Variants in RPS6KC1 observed in about 807,000 individuals in gnomAD.
The protein encoded by RPS6KC1 is ribosomal protein S6 kinase C1.
In RPS6KC1, 54 loss-of-function variants were observed where a neutral mutation model predicts 103.8. The ratio of observed to expected loss-of-function variants is 0.52; its 90% CI spans 0.42 to 0.65. The LOEUF (loss-of-function observed/expected upper bound fraction) is 0.65, where lower values mean the gene tolerates loss of function less well. Ranked by LOEUF, RPS6KC1 falls within the 30% of genes least tolerant of loss-of-function variation. The pLI is 0.00. For missense variants in RPS6KC1, 1,151 were observed against 1,253.8 expected, an observed-to-expected ratio of 0.92 and a Z score of 1.24; for synonymous variants, 439 against 438.7, an observed-to-expected ratio of 1.00 and a Z score of -0.01.
chr1:213,631,457 C>G, the RPS6KC1 span, among the ~76,000 whole-genome samples: 1 of 151,118 alleles, frequency 6.6e-6, no homozygotes, highest in African/African-American at 2.4e-5. Context: ...ATTTTCTTGG[C>G]TGTTCCTTTA....
chr1:213,628,373 C>G, the RPS6KC1 span, among the ~76,000 whole-genome samples: 3 of 152,132 alleles, frequency 2.0e-5, no homozygotes, highest in Non-Finnish European at 4.4e-5. Context: ...AAAAAACCAG[C>G]TCCTGGATTT....
At chr1:213,433,378 T>G in the RPS6KC1 span, among the ~76,000 whole-genome samples, 1 of 152,336 alleles carries the variant, frequency 6.6e-6, no homozygotes, top group South Asian at 2.1e-4. Context: ...AAGCCCCCTT[T>G]TCAGTGTAAG....
At chr1:213,260,516 G>A (rs1194908618) in intron 12 of RPS6KC1, among the ~76,000 whole-genome samples, 1 of 152,164 alleles carries the variant, frequency 6.6e-6, no homozygotes, top group African/African-American at 2.4e-5. Flanking sequence ...CAAGTACATT[G>A]ACTAAGCATT....
chr1:213,727,689 G>A, the RPS6KC1 span, among the ~76,000 whole-genome samples: 8 of 152,046 alleles, frequency 5.3e-5, no homozygotes, highest in Non-Finnish European at 8.8e-5. Context: ...AGAAATACAT[G>A]TGCATTTTCC....
the RPS6KC1 span, among the ~76,000 whole-genome samples, chr1:213,737,304 GGTT>G: frequency 6.6e-6 from 1 of 152,114 alleles, no homozygotes; most frequent in African/African-American, 2.4e-5. Context: ...GGTTTTGGGG[GGTT>G]GTTGTTTGTT....
chr1:213,851,861 C>T, the RPS6KC1 span, among the ~76,000 whole-genome samples: 1 of 152,156 alleles, frequency 6.6e-6, no homozygotes, highest in African/African-American at 2.4e-5. Flanking sequence ...CCAGTCAATG[C>T]CTCCATTCAG....
chr1:213,446,463 G>T, the RPS6KC1 span, among the ~76,000 whole-genome samples: 2 of 152,188 alleles, frequency 1.3e-5, no homozygotes, highest in Non-Finnish European at 2.9e-5. Context: ...AGTTGATGCT[G>T]CAGTCTTTAA....
chr1:213,418,062 C>T, the RPS6KC1 span, among the ~76,000 whole-genome samples: 3 of 152,306 alleles, frequency 2.0e-5, 1 homozygote, highest in South Asian at 6.2e-4. Context: ...AGCAAACCCC[C>T]AGCTCCCGCT....
chr1:213,459,484 CT>C, the RPS6KC1 span, among the ~76,000 whole-genome samples: 4 of 151,640 alleles, frequency 2.6e-5, no homozygotes, highest in African/African-American at 9.7e-5. Context: ...ATTATTTTTT[CT>C]TCTATATTAG....
chr1:213,246,962 G>A (rs548755958), intron 12 of RPS6KC1, among the ~76,000 whole-genome samples: 4 of 152,138 alleles, frequency 2.6e-5, no homozygotes, highest in Non-Finnish European at 5.9e-5. Flanking sequence ...AAAATTATTT[G>A]TGTTAGTTAA....
At chr1:213,194,951 A>G (rs2092885515) in intron 8 of RPS6KC1, among the ~76,000 whole-genome samples, 1 of 152,296 alleles carries the variant, frequency 6.6e-6, no homozygotes, top group South Asian at 2.1e-4. Context: ...TCTTAAAATG[A>G]CAAAATTATG....
the RPS6KC1 span, among the ~76,000 whole-genome samples, chr1:213,603,122 ATAT>A: frequency 6.6e-6 from 1 of 152,332 alleles, no homozygotes; most frequent in Non-Finnish European, 1.5e-5. Context: ...AGTAGGGCAG[ATAT>A]TATTATTTTT....
the RPS6KC1 span, among the ~76,000 whole-genome samples, chr1:213,722,412 C>T: frequency 6.6e-6 from 1 of 152,132 alleles, no homozygotes; most frequent in Non-Finnish European, 1.5e-5. Flanking sequence ...AATACAGTTA[C>T]ACGTCCCAAT....
the RPS6KC1 span, among the ~76,000 whole-genome samples, chr1:213,580,529 C>G: frequency 6.6e-6 from 1 of 152,002 alleles, no homozygotes; most frequent in African/African-American, 2.4e-5. Context: ...TTTACAGAAG[C>G]TCTACTGTGG....
the RPS6KC1 span, chr1:213,837,144 T>C: frequency 6.6e-6 from 1 of 152,156 alleles, no homozygotes; most frequent in East Asian, 1.9e-4. Flanking sequence ...TTCCCTTCCA[T>C]CTGGTAGGCC....
chr1:213,444,822 A>C, the RPS6KC1 span, among the ~76,000 whole-genome samples: 1 of 152,126 alleles, frequency 6.6e-6, no homozygotes, highest in Non-Finnish European at 1.5e-5. Context: ...GCTCACTCAC[A>C]TACCTATTTC....
intron 5 of RPS6KC1, among the ~76,000 whole-genome samples, chr1:213,122,493 G>T (rs1053978046): frequency 6.6e-6 from 1 of 151,918 alleles, no homozygotes; most frequent in Non-Finnish European, 1.5e-5. Flanking sequence ...TCACATGATT[G>T]GTTACTTAAT....
chr1:213,676,741 C>T, the RPS6KC1 span, among the ~76,000 whole-genome samples: 1 of 152,242 alleles, frequency 6.6e-6, no homozygotes. Context: ...TGCCCCTTCT[C>T]CAACCAGACT....
At chr1:213,475,809 G>A in the RPS6KC1 span, among the ~76,000 whole-genome samples, 1 of 152,150 alleles carries the variant, frequency 6.6e-6, no homozygotes, top group East Asian at 1.9e-4. Flanking sequence ...TGTGTATGGC[G>A]GAAAAGAGAT....
Sources: allele counts gnomAD v4.1 joint callset (sites outside exome capture counted in the v4.1 genomes callset), GRCh38; gene constraint gnomAD v4.1.1; transcripts MANE v1.5; gene names NCBI Gene and HGNC (gene_info 2026-07-23, HGNC 2026-07-21).